NOX4: variants seen among roughly 807,000 people sequenced by gnomAD.
NOX4 encodes kidney oxidase-1.
A neutral mutation model predicts 87.6 loss-of-function variants in NOX4; 69 were observed. The ratio of observed to expected loss-of-function variants is 0.79; its 90% CI spans 0.65 to 0.96. The LOEUF (loss-of-function observed/expected upper bound fraction) is 0.96. NOX4 is among the 40% of genes least tolerant of loss of function. The pLI, the probability that NOX4 is intolerant of heterozygous loss-of-function variation, is 0.00. For missense variants in NOX4, 680 were observed against 681.5 expected, an observed-to-expected ratio of 1.00 and a Z score of 0.02; for synonymous variants, 275 against 238.2, an observed-to-expected ratio of 1.15 and a Z score of -1.42.
chr11:89,379,891 C>T (rs928067752), intron 11 of NOX4, among the ~76,000 whole-genome samples: 1 of 152,178 alleles, frequency 6.6e-6, no homozygotes, highest in African/African-American at 2.4e-5. Context: ...AACTGGACCC[C>T]CTGTTTCTGC....
the NOX4 span, among the ~76,000 whole-genome samples, chr11:89,531,620 T>A: frequency 6.6e-6 from 1 of 152,198 alleles, no homozygotes; most frequent in Non-Finnish European, 1.5e-5. Flanking sequence ...CTCATGACAG[T>A]GAGTGAGTTC....
chr11:89,476,342 G>A (rs933955056), intron 2 of NOX4, among the ~76,000 whole-genome samples: 6 of 151,796 alleles, frequency 4.0e-5, no homozygotes, highest in East Asian at 1.9e-4. Context: ...ACTATTATGC[G>A]CAGTTCATAA....
At chr11:89,565,106 C>A in the NOX4 span, among the ~76,000 whole-genome samples, 1 of 152,208 alleles carries the variant, frequency 6.6e-6, no homozygotes, top group African/African-American at 2.4e-5. Context: ...GAATTTACAT[C>A]TTAAAATATT....
chr11:89,425,875 G>A (rs2135282770), intron 7 of NOX4, among the ~76,000 whole-genome samples: 1 of 152,106 alleles, frequency 6.6e-6, no homozygotes, highest in East Asian at 1.9e-4. Context: ...ATATATATCT[G>A]TGTTTCTGTT....
Position 89,400,416 on chromosome 11 carries a change from C to G in NOX4, c.847-37G>C, listed in dbSNP as rs747303467. On this transcript the variant is annotated intron_variant, in intron 9 of 17. Coordinates refer to ENST00000263317, the MANE Select transcript of NOX4 (RefSeq NM_016931.5). Reference sequence around the variant, plus strand: ...TTTTGAAAATATACTTCAAGAAATACTCATATTGTAGAAATCTACACCCTG... The same window carrying G: ...TTTTGAAAATATACTTCAAGAAATAGTCATATTGTAGAAATCTACACCCTG... 4.0e-6 allele frequency: 6 copies of G among 1,509,272 alleles called. No individual in the cohort carries two copies. The African/African-American group carries it at 8.3e-5, about 21-fold the overall frequency. 93.5% of individuals were successfully genotyped at this position (1,509,272 alleles called of 1,614,324 possible). A position where few individuals can be genotyped will look rare whatever the true frequency, so the allele number is the denominator to read the frequency against.
chr11:89,506,301 AAG>A, the NOX4 span, among the ~76,000 whole-genome samples: 9 of 134,284 alleles, frequency 6.7e-5, no homozygotes, highest in Non-Finnish European at 1.4e-4. Flanking sequence ...GAAAGAAAGA[AAG>A]AGAGAGAAAG....
At chr11:89,347,181 C>T (rs1241503936) in intron 13 of NOX4, among the ~76,000 whole-genome samples, 1 of 152,150 alleles carries the variant, frequency 6.6e-6, no homozygotes, top group Non-Finnish European at 1.5e-5. Flanking sequence ...ACCGGAATAA[C>T]CACTACCACA....
intron 2 of NOX4, among the ~76,000 whole-genome samples, chr11:89,481,835 T>G (rs1010976390): frequency 3.3e-5 from 5 of 152,002 alleles, no homozygotes; most frequent in Non-Finnish European, 4.4e-5. Flanking sequence ...CTCCTCTCCC[T>G]CCAGGCTGAG....
the NOX4 span, among the ~76,000 whole-genome samples, chr11:89,512,823 T>C: frequency 6.6e-6 from 1 of 152,130 alleles, no homozygotes; most frequent in African/African-American, 2.4e-5. Flanking sequence ...CCACTGATTA[T>C]ACTTGCAGTT....
chr11:89,427,991 C>T (rs187538117), intron 7 of NOX4, among the ~76,000 whole-genome samples: 105 of 152,276 alleles, frequency 6.9e-4, no homozygotes, highest in African/African-American at 1.0e-3. Flanking sequence ...TGCCCACAAA[C>T]GGAAGCCCAT....
chr11:89,456,926 C>G (rs1344811557), intron 2 of NOX4, among the ~76,000 whole-genome samples: 1 of 152,124 alleles, frequency 6.6e-6, no homozygotes, highest in Non-Finnish European at 1.5e-5. Flanking sequence ...TGGGATGGGA[C>G]CAGTCCAAAT....
At chr11:89,327,344 G>A (rs1009483636) in intron 17 of NOX4, among the ~76,000 whole-genome samples, 7 of 152,046 alleles carry the variant, frequency 4.6e-5, no homozygotes, top group African/African-American at 7.2e-5. Flanking sequence ...CAAAAGCAGC[G>A]ATGAATAAGG....
the NOX4 span, among the ~76,000 whole-genome samples, chr11:89,512,369 T>C: frequency 6.6e-6 from 1 of 152,112 alleles, no homozygotes; most frequent in African/African-American, 2.4e-5. Flanking sequence ...AGCAGATCTC[T>C]GGAATATGCT....
At chr11:89,472,996 T>C (rs896012461) in intron 2 of NOX4, among the ~76,000 whole-genome samples, 2 of 152,194 alleles carry the variant, frequency 1.3e-5, no homozygotes, top group Admixed American at 6.5e-5. Flanking sequence ...ATGTATCAAG[T>C]GAAAAAGGTT....
At chr11:89,355,719 G>A (rs980843741) in intron 12 of NOX4, among the ~76,000 whole-genome samples, 2 of 152,012 alleles carry the variant, frequency 1.3e-5, no homozygotes, top group Non-Finnish European at 2.9e-5. Context: ...AGTCCAAATT[G>A]GTACAATAGC....
At chr11:89,374,879 G>T (rs1939725206) in intron 11 of NOX4, among the ~76,000 whole-genome samples, 1 of 152,160 alleles carries the variant, frequency 6.6e-6, no homozygotes, top group Non-Finnish European at 1.5e-5. Flanking sequence ...GCAAGTCCAA[G>T]ACTTCAGAGC....
intron 7 of NOX4, 43 bp downstream of exon 7, chr11:89,432,741 A>C: frequency 7.2e-7 from 1 of 1,388,194 alleles, no homozygotes; most frequent in Admixed American, 1.7e-5. Context: ...TTTTCTAAAT[A>C]ACCTGACAGA....
intron 6 of NOX4, among the ~76,000 whole-genome samples, chr11:89,435,086 A>C (rs764166421): frequency 6.6e-6 from 1 of 152,074 alleles, no homozygotes; most frequent in Admixed American, 6.6e-5. Context: ...TATGTATCAA[A>C]ACCAATCAAA....
chr11:89,527,308 T>A, the NOX4 span, among the ~76,000 whole-genome samples: 1 of 152,186 alleles, frequency 6.6e-6, no homozygotes, highest in African/African-American at 2.4e-5. Flanking sequence ...GCATAAAAGT[T>A]CAGAAAATTT....
Sources: allele counts gnomAD v4.1 joint callset (sites outside exome capture counted in the v4.1 genomes callset), GRCh38; gene constraint gnomAD v4.1.1; transcripts MANE v1.5; gene names NCBI Gene and HGNC (gene_info 2026-07-23, HGNC 2026-07-21).